The following CSNK2A2IP variants were observed in gnomAD, a reference collection of about 807,000 sequenced individuals.
CSNK2A2IP encodes the protein casein kinase 2 subunit alpha' interacting protein, also known as casein kinase II subunit alpha'-interacting protein.
At chr3:88,372,157 T>C in the CSNK2A2IP span, among the ~76,000 whole-genome samples, 33 of 151,846 alleles carry the variant, frequency 2.2e-4, no homozygotes, top group African/African-American at 7.2e-4. Context: ...TTAAAAGATC[T>C]ATGGCTATGT....
At chr3:88,459,604 G>C in the CSNK2A2IP span, among the ~76,000 whole-genome samples, 1 of 152,072 alleles carries the variant, frequency 6.6e-6, no homozygotes, top group African/African-American at 2.4e-5. Context: ...GTTAAATGCA[G>C]TAGTGATAGT....
chr3:88,352,317 C>T, the CSNK2A2IP span, among the ~76,000 whole-genome samples: 1 of 151,966 alleles, frequency 6.6e-6, no homozygotes, highest in Non-Finnish European at 1.5e-5. Flanking sequence ...CCCTGAAATG[C>T]TATTCAAGAC....
chr3:88,406,070 TTAAC>T, the CSNK2A2IP span, among the ~76,000 whole-genome samples: 1 of 152,140 alleles, frequency 6.6e-6, no homozygotes, highest in African/African-American at 2.4e-5. Context: ...ATATAATCTT[TTAAC>T]TAACCTCATT....
the CSNK2A2IP span, among the ~76,000 whole-genome samples, chr3:88,400,654 G>A: frequency 6.6e-6 from 1 of 152,216 alleles, no homozygotes; most frequent in African/African-American, 2.4e-5. Context: ...AGGCTTTGAC[G>A]ATGACAGAAT....
the CSNK2A2IP span, among the ~76,000 whole-genome samples, chr3:88,410,308 T>C: frequency 6.6e-6 from 1 of 152,068 alleles, no homozygotes; most frequent in Non-Finnish European, 1.5e-5. Context: ...TATAGAGTGA[T>C]TTATTTCTAT....
At chr3:88,383,724 C>A in the CSNK2A2IP span, among the ~76,000 whole-genome samples, 4 of 131,796 alleles carry the variant, frequency 3.0e-5, no homozygotes, top group African/African-American at 1.1e-4. Context: ...AGCGCAGTGG[C>A]GCGATCTCAG....
chr3:88,467,090 CGGT>C, the CSNK2A2IP span: 2 of 665,118 alleles, frequency 3.0e-6, no homozygotes, highest in East Asian at 6.9e-5. Flanking sequence ...ATATGGTGGG[CGGT>C]AGCCCCCGAA....
the CSNK2A2IP span, among the ~76,000 whole-genome samples, chr3:88,421,480 G>A: frequency 6.6e-6 from 1 of 152,016 alleles, no homozygotes; most frequent in Non-Finnish European, 1.5e-5. Flanking sequence ...GCAGTGGCAC[G>A]GTCTCAGCTC....
At chr3:88,408,728 T>C in the CSNK2A2IP span, among the ~76,000 whole-genome samples, 1 of 152,140 alleles carries the variant, frequency 6.6e-6, no homozygotes, top group African/African-American at 2.4e-5. Context: ...TGGGAGCTGC[T>C]TCTATGCCAT....
the CSNK2A2IP span, among the ~76,000 whole-genome samples, chr3:88,345,824 A>G: frequency 6.6e-6 from 1 of 152,004 alleles, no homozygotes; most frequent in Non-Finnish European, 1.5e-5. Context: ...AATGAAAGGA[A>G]GAGCTGCACG....
chr3:88,462,491 C>T, the CSNK2A2IP span, among the ~76,000 whole-genome samples: 1 of 152,076 alleles, frequency 6.6e-6, no homozygotes, highest in Admixed American at 6.6e-5. Context: ...TTATATGTCT[C>T]ACAGGAAAGA....
At chr3:88,344,089 T>C in the CSNK2A2IP span, among the ~76,000 whole-genome samples, 1 of 151,914 alleles carries the variant, frequency 6.6e-6, no homozygotes, top group South Asian at 2.1e-4. Flanking sequence ...TTTTAGTAGA[T>C]GCTGATAATA....
At chr3:88,418,519 A>G in the CSNK2A2IP span, among the ~76,000 whole-genome samples, 1 of 151,818 alleles carries the variant, frequency 6.6e-6, no homozygotes, top group African/African-American at 2.4e-5. Context: ...ATTCTTCAGC[A>G]GCATTTAGCC....
the CSNK2A2IP span, among the ~76,000 whole-genome samples, chr3:88,365,605 C>T: frequency 2.0e-5 from 3 of 152,136 alleles, no homozygotes; most frequent in African/African-American, 7.2e-5. Context: ...GGGTCTTGGT[C>T]ATGTATCCCT....
At chr3:88,456,132 G>T in the CSNK2A2IP span, among the ~76,000 whole-genome samples, 1 of 152,012 alleles carries the variant, frequency 6.6e-6, no homozygotes, top group Non-Finnish European at 1.5e-5. Flanking sequence ...AAATCAGGAA[G>T]TGTGCTTACT....
At chr3:88,453,256 T>C in the CSNK2A2IP span, among the ~76,000 whole-genome samples, 1 of 152,088 alleles carries the variant, frequency 6.6e-6, no homozygotes, top group Non-Finnish European at 1.5e-5. Flanking sequence ...TAAATTGAAA[T>C]CTCTTGAGTT....
At chr3:88,466,091 C>T in the CSNK2A2IP span, 1 of 1,231,588 alleles carries the variant, frequency 8.1e-7, no homozygotes, top group South Asian at 4.1e-5. Context: ...AGTTCACCAT[C>T]ACTCAACACA....
chr3:88,376,990 A>AT, the CSNK2A2IP span, among the ~76,000 whole-genome samples: 1 of 151,692 alleles, frequency 6.6e-6, no homozygotes, highest in Non-Finnish European at 1.5e-5. Context: ...AATCTCAATC[A>AT]TTGTCTCAGT....
the CSNK2A2IP span, among the ~76,000 whole-genome samples, chr3:88,376,083 T>C: frequency 6.6e-6 from 1 of 151,856 alleles, no homozygotes; most frequent in African/African-American, 2.4e-5. Context: ...TGTCCTATTG[T>C]ATGATTTAAT....
Sources: allele counts gnomAD v4.1 joint callset (sites outside exome capture counted in the v4.1 genomes callset), GRCh38; gene constraint gnomAD v4.1.1; transcripts MANE v1.5; gene names NCBI Gene and HGNC (gene_info 2026-07-23, HGNC 2026-07-21).